SORCS1: variants seen among roughly 807,000 people sequenced by gnomAD.
SORCS1 encodes sortilin related VPS10 domain containing receptor 1.
A neutral mutation model predicts 146.1 loss-of-function variants in SORCS1; 60 were observed. That is an observed-to-expected ratio of 0.41 (90% CI 0.33 to 0.51). SORCS1 has a LOEUF of 0.51. SORCS1 is among the 20% of genes least tolerant of loss of function. The probability of loss-of-function intolerance (pLI) is 0.21; values close to 1 mark genes in which losing one functional copy is unlikely to be tolerated. For missense variants in SORCS1, 1,352 were observed against 1,487.6 expected, an observed-to-expected ratio of 0.91 and a Z score of 1.50; for synonymous variants, 637 against 584.0, an observed-to-expected ratio of 1.09 and a Z score of -1.31.
intron 1 of SORCS1, among the ~76,000 whole-genome samples, chr10:106,993,376 A>G (rs756580008): frequency 6.6e-6 from 1 of 152,224 alleles, no homozygotes; most frequent in Non-Finnish European, 1.5e-5. Context: ...ACACTTGAAT[A>G]TCACTCTCAA....
intron 8 of SORCS1, among the ~76,000 whole-genome samples, chr10:106,706,202 G>GAAAC (rs1354046599): frequency 7.3e-6 from 1 of 136,706 alleles, no homozygotes; most frequent in Non-Finnish European, 1.6e-5. Flanking sequence ...AAGAAAGAAA[G>GAAAC]AAAGAAAAAA....
At chr10:107,051,480 C>T (rs1208762018) in intron 1 of SORCS1, among the ~76,000 whole-genome samples, 3 of 152,100 alleles carry the variant, frequency 2.0e-5, no homozygotes, top group South Asian at 2.1e-4. Flanking sequence ...TAGTTGTCAA[C>T]GCCAATGGGT....
At chr10:106,578,934 C>T (rs1844726911) in intron 25 of SORCS1, 1 of 1,426,578 alleles carries the variant, frequency 7.0e-7, no homozygotes, top group Non-Finnish European at 9.1e-7. Flanking sequence ...TTTCCCCCAT[C>T]CCAATCAGAG....
At chr10:107,098,387 T>C (rs1322120610) in intron 1 of SORCS1, among the ~76,000 whole-genome samples, 1 of 152,210 alleles carries the variant, frequency 6.6e-6, no homozygotes, top group Non-Finnish European at 1.5e-5. Flanking sequence ...ACTGAAGAAG[T>C]AGTCAGTTGT....
At chr10:107,039,709 A>G (rs924570483) in intron 1 of SORCS1, among the ~76,000 whole-genome samples, 1 of 152,206 alleles carries the variant, frequency 6.6e-6, no homozygotes, top group African/African-American at 2.4e-5. Flanking sequence ...GAGACTAGAC[A>G]TCTTCCACCA....
chr10:106,844,625 C>A (rs1218345652), intron 2 of SORCS1, among the ~76,000 whole-genome samples: 1 of 149,446 alleles, frequency 6.7e-6, no homozygotes, highest in African/African-American at 2.5e-5. Flanking sequence ...TACATGTGCA[C>A]ATTGTGCAGG....
Position 106,894,012 on chromosome 10 carries a change from A to G in SORCS1, c.626+62501T>C, listed in dbSNP as rs113447242. ...ACAGCTGTGGCTCTCTCCCTGACAT[A>G]TGGAGCTTCTTAAAAGAAAAAAAAT... On this transcript the variant is annotated intron_variant, in intron 2 of 25. Coordinates refer to ENST00000263054, the MANE Select transcript of SORCS1 (RefSeq NM_052918.5). 4.6e-5 allele frequency among the ~76,000 whole-genome samples: 7 copies of G among 152,290 alleles called. No individual in the cohort carries two copies. The East Asian group carries it at 5.8e-4, about 13-fold the overall frequency.
chr10:107,177,863 A>T, the SORCS1 span, among the ~76,000 whole-genome samples: 1 of 152,142 alleles, frequency 6.6e-6, no homozygotes, highest in East Asian at 1.9e-4. Flanking sequence ...ACATGGATGG[A>T]GCTGAAAGCC....
intron 1 of SORCS1, among the ~76,000 whole-genome samples, chr10:107,045,143 G>A (rs890183250): frequency 6.6e-6 from 1 of 152,142 alleles, no homozygotes; most frequent in African/African-American, 2.4e-5. Context: ...TTCTGCAATG[G>A]GGAACTGCTA....
chr10:107,143,370 C>T (rs1394245689), intron 1 of SORCS1, among the ~76,000 whole-genome samples: 1 of 152,186 alleles, frequency 6.6e-6, no homozygotes. Flanking sequence ...CTCTATCGCA[C>T]AGGCTGGACT....
At chr10:106,833,689 T>C (rs1948663247) in intron 2 of SORCS1, among the ~76,000 whole-genome samples, 1 of 152,190 alleles carries the variant, frequency 6.6e-6, no homozygotes, top group African/African-American at 2.4e-5. Flanking sequence ...CCTGTGCTGA[T>C]CTGTCGATGC....
intron 5 of SORCS1, among the ~76,000 whole-genome samples, chr10:106,742,513 G>A (rs960820884): frequency 3.3e-5 from 5 of 152,050 alleles, no homozygotes; most frequent in Non-Finnish European, 7.4e-5. Context: ...CCAAGTGGCT[G>A]GGACTATAGG....
intron 10 of SORCS1, among the ~76,000 whole-genome samples, chr10:106,684,698 C>G (rs1372739149): frequency 6.6e-6 from 1 of 152,204 alleles, no homozygotes; most frequent in Non-Finnish European, 1.5e-5. Context: ...TATTCCACAT[C>G]TGTAACAGCC....
intron 1 of SORCS1, among the ~76,000 whole-genome samples, chr10:106,968,173 G>A (rs1376344080): frequency 6.6e-6 from 1 of 152,036 alleles, no homozygotes; most frequent in Non-Finnish European, 1.5e-5. Flanking sequence ...TCGCGCCACT[G>A]CACTCCAGCC....
At chr10:107,070,507 G>C (rs925060597) in intron 1 of SORCS1, among the ~76,000 whole-genome samples, 1 of 152,122 alleles carries the variant, frequency 6.6e-6, no homozygotes, top group East Asian at 1.9e-4. Flanking sequence ...TAAGTGTCAC[G>C]CACTTATCCT....
At chr10:107,037,128 C>T (rs1958938927) in intron 1 of SORCS1, among the ~76,000 whole-genome samples, 2 of 152,114 alleles carry the variant, frequency 1.3e-5, no homozygotes, top group Admixed American at 6.5e-5. Context: ...CACCTGTAAT[C>T]CCAGCTACTC....
intron 3 of SORCS1, among the ~76,000 whole-genome samples, chr10:106,796,910 C>A (rs1345889766): frequency 6.6e-6 from 1 of 152,144 alleles, no homozygotes; most frequent in Non-Finnish European, 1.5e-5. Flanking sequence ...AAGATTGAGA[C>A]CATCCTGCCA....
chr10:106,888,273 G>A (rs753151705), intron 2 of SORCS1, among the ~76,000 whole-genome samples: 5 of 152,162 alleles, frequency 3.3e-5, no homozygotes, highest in Admixed American at 6.6e-5. Flanking sequence ...TAACTTCATA[G>A]TCTCCTTATA....
At chr10:107,070,884 G>T (rs1037881332) in intron 1 of SORCS1, among the ~76,000 whole-genome samples, 1 of 151,782 alleles carries the variant, frequency 6.6e-6, no homozygotes, top group African/African-American at 2.4e-5. Flanking sequence ...TATATAAAGA[G>T]ATTTGTAATT....
Sources: gnomAD v4.1 joint callset for allele counts (sites outside exome capture counted in the v4.1 genomes callset) on GRCh38, gnomAD v4.1.1 for gene constraint, MANE v1.5 for transcripts, NCBI Gene and HGNC (gene_info 2026-07-23, HGNC 2026-07-21) for gene names.